Variants in DCAF6 observed in about 807,000 individuals in gnomAD.
DCAF6 encodes the protein DDB1 and CUL4 associated factor 6, also known as DDB1- and CUL4-associated factor 6.
A neutral mutation model predicts 125.1 loss-of-function variants in DCAF6; 54 were observed. That is an observed-to-expected ratio of 0.43 (90% CI 0.35 to 0.54). The LOEUF is 0.54. Ranked by LOEUF, DCAF6 falls within the 20% of genes least tolerant of loss-of-function variation. DCAF6 has a pLI of 0.01. For synonymous variants in DCAF6, 371 were observed against 390.4 expected (o/e 0.95, Z 0.58); for missense variants, 934 against 1,161.7 (o/e 0.80, Z 2.85).
At chr1:167,893,832 T>C in the DCAF6 span, 1 of 1,575,660 alleles carries the variant, frequency 6.3e-7, no homozygotes, top group East Asian at 2.3e-5. Flanking sequence ...CCAAAGCCAG[T>C]AAATTCAATT....
intron 16 of DCAF6, among the ~76,000 whole-genome samples, chr1:168,045,449 A>G (rs1354385906): frequency 1.3e-5 from 2 of 152,226 alleles, no homozygotes; most frequent in Non-Finnish European, 2.9e-5. Context: ...TTCATTCTCC[A>G]TATCTCTAGC....
chr1:167,883,327 C>A, the DCAF6 span: 2 of 1,271,606 alleles, frequency 1.6e-6, no homozygotes, highest in African/African-American at 1.5e-5. Flanking sequence ...CGTGAGCCAC[C>A]ACGCCCAGCC....
chr1:168,038,257 G>C, intron 12 of DCAF6, 114 bp from the exon 13 acceptor site: 3 of 747,922 alleles, frequency 4.0e-6, no homozygotes, highest in Non-Finnish European at 6.6e-6. Flanking sequence ...CATAACAGAT[G>C]TGAAAAAAGA....
intron 4 of DCAF6, among the ~76,000 whole-genome samples, chr1:167,985,026 C>T (rs1282271588): frequency 6.6e-6 from 1 of 152,092 alleles, no homozygotes; most frequent in African/African-American, 2.4e-5. Context: ...GAAAAACTCC[C>T]ATTTTAAAAA....
the DCAF6 span, among the ~76,000 whole-genome samples, chr1:167,892,238 C>A: frequency 3.3e-5 from 5 of 152,188 alleles, no homozygotes; most frequent in African/African-American, 1.2e-4. Context: ...TCCCAAAGTG[C>A]TGGGATTACA....
At chr1:168,002,366 A>C in intron 7 of DCAF6, 116 bp from the exon 8 acceptor site, 1 of 818,698 alleles carries the variant, frequency 1.2e-6, no homozygotes, top group South Asian at 1.7e-5. Flanking sequence ...ATGTAGATCT[A>C]ATTTGCATAC....
At chr1:168,038,720 T>C (rs1688137252) in intron 13 of DCAF6, among the ~76,000 whole-genome samples, 4 of 152,028 alleles carry the variant, frequency 2.6e-5, no homozygotes, top group South Asian at 2.1e-4. Flanking sequence ...TTAAAAACTT[T>C]CCAGATGATG....
At chr1:167,874,042 A>C in the DCAF6 span, among the ~76,000 whole-genome samples, 1 of 152,226 alleles carries the variant, frequency 6.6e-6, no homozygotes, top group African/African-American at 2.4e-5. Context: ...ACTTTAAAAA[A>C]ATGTCTGGGC....
At chr1:167,932,808 C>CAAAAAAAAAAAAAAA (rs965449372), upstream of DCAF6, among the ~76,000 whole-genome samples, 11 of 54,768 alleles carry the variant, frequency 2.0e-4, no homozygotes, top group East Asian at 6.0e-4. Flanking sequence ...GACTCTGTCT[C>CAAAAAAAAAAAAAAA]AAAAAAAAAA....
intron 7 of DCAF6, among the ~76,000 whole-genome samples, chr1:167,995,525 C>T (rs540191663): frequency 1.4e-4 from 21 of 151,832 alleles, no homozygotes; most frequent in Admixed American, 3.9e-4. Context: ...ACTGAAAATA[C>T]AAAAATTAGC....
intron 4 of DCAF6, among the ~76,000 whole-genome samples, chr1:167,984,521 A>G (rs1679662308): frequency 6.6e-6 from 1 of 152,120 alleles, no homozygotes; most frequent in South Asian, 2.1e-4. Context: ...AGACAGTAGT[A>G]TACAAAGCAG....
chr1:168,044,945 G>A lies in DCAF6; in HGVS notation c.1976G>A (p.Gly659Glu), dbSNP rs1249613532. 1.2e-6 allele frequency: 2 copies of A among 1,613,954 alleles called. No individual in the cohort carries two copies. The highest frequency in any genetic ancestry group is 1.7e-6 in the Non-Finnish European group (2 of 1,179,964). Reference sequence around the variant, plus strand: ...GCCAAGCCATTGGATTCCAACTCAGGAGAAAGAAATGACCTCAATCTTGAT... The same window carrying A: ...GCCAAGCCATTGGATTCCAACTCAGAAGAAAGAAATGACCTCAATCTTGAT... ...FTAKPLDSNS[G>E]ERNDLNLDRS... The change falls in exon 16 of 22, where the codon GGA (glycine) becomes GAA (glutamate). Residue 659 changes from glycine (G) to glutamate (E), a missense_variant. This residue lies in a region of DCAF6 where 559 missense variants were observed against 635.5 expected (regional missense o/e 0.88). Coordinates refer to ENST00000367840, the MANE Select transcript of DCAF6 (RefSeq NM_001198956.2).
upstream of DCAF6, among the ~76,000 whole-genome samples, chr1:167,932,484 T>A (rs1350133702): frequency 2.0e-5 from 3 of 152,194 alleles, no homozygotes; most frequent in African/African-American, 7.2e-5. Context: ...CCTCCACTGA[T>A]AATTTTTTTG....
At chr1:168,042,291 C>G (rs1366739463) in intron 13 of DCAF6, among the ~76,000 whole-genome samples, 3 of 151,950 alleles carry the variant, frequency 2.0e-5, no homozygotes, top group Admixed American at 6.6e-5. Context: ...TAATTTAAAT[C>G]TCAGTCAGAT....
chr1:167,921,627 G>A, the DCAF6 span, among the ~76,000 whole-genome samples: 2 of 151,994 alleles, frequency 1.3e-5, no homozygotes, highest in Non-Finnish European at 2.9e-5. Flanking sequence ...GCTCCCACCA[G>A]ATGAGCTGTA....
chr1:167,954,552 A>C (rs1674469220), intron 2 of DCAF6, among the ~76,000 whole-genome samples: 1 of 151,896 alleles, frequency 6.6e-6, no homozygotes, highest in Admixed American at 6.6e-5. Flanking sequence ...TCCCGGATTC[A>C]CGCCAGTCTC....
At chr1:168,033,201 T>C (rs1687331446) in intron 12 of DCAF6, among the ~76,000 whole-genome samples, 1 of 152,162 alleles carries the variant, frequency 6.6e-6, no homozygotes, top group Admixed American at 6.5e-5. Flanking sequence ...TACATAACAG[T>C]TCAAGGAAAC....
At chr1:168,061,014 T>C (rs1691524087) in intron 17 of DCAF6, among the ~76,000 whole-genome samples, 1 of 152,264 alleles carries the variant, frequency 6.6e-6, no homozygotes, top group African/African-American at 2.4e-5. Flanking sequence ...GTTTTTTCTT[T>C]ATTGGTTTCT....
intron 5 of DCAF6, among the ~76,000 whole-genome samples, chr1:167,989,563 A>G (rs1680531983): frequency 6.6e-6 from 1 of 152,190 alleles, no homozygotes. Context: ...TAATTGAACA[A>G]AGTATAAGGT....
Sources: gnomAD v4.1 joint callset for allele counts (sites outside exome capture counted in the v4.1 genomes callset) on GRCh38, gnomAD v4.1.1 for gene constraint, gnomAD v4.1.1 regional missense constraint, MANE v1.5 for transcripts, NCBI Gene and HGNC (gene_info 2026-07-23, HGNC 2026-07-21) for gene names.